The following NOL10 variants were observed in gnomAD, a reference collection of about 807,000 sequenced individuals.
NOL10 encodes H_NH0074G24.1.
A neutral mutation model predicts 103.5 loss-of-function variants in NOL10; 58 were observed. The ratio of observed to expected loss-of-function variants is 0.56; its 90% CI spans 0.45 to 0.70. The LOEUF (loss-of-function observed/expected upper bound fraction) is 0.70. Among genes scored for constraint, NOL10 ranks in the 30% least tolerant of loss-of-function variants. The pLI, the probability that NOL10 is intolerant of heterozygous loss-of-function variation, is 0.00. For synonymous variants in NOL10, 287 were observed against 282.5 expected (o/e 1.02, Z -0.16); for missense variants, 763 against 807.3 (o/e 0.95, Z 0.67).
At chr2:10,661,455 T>A (rs750279944) in intron 9 of NOL10, among the ~76,000 whole-genome samples, 4 of 151,726 alleles carry the variant, frequency 2.6e-5, no homozygotes, top group Non-Finnish European at 5.9e-5. Flanking sequence ...CACTGCAACC[T>A]CTGCCTCCCG....
chr2:10,577,094 A>G (rs1275324205), intron 20 of NOL10, among the ~76,000 whole-genome samples: 1 of 152,106 alleles, frequency 6.6e-6, no homozygotes. Context: ...GCTAAAAAAA[A>G]TGGATCTTAT....
rs1572263990 is a variant in NOL10 at position 10,599,373 on chromosome 2, C to G, written c.1422+1480G>C. ...TGACATTACAAAGCAGAAAAGTTACCTCCCTAATCATGCTTAGGCTTAGCT... is the reference window on the plus strand; with the variant it reads ...TGACATTACAAAGCAGAAAAGTTACGTCCCTAATCATGCTTAGGCTTAGCT... On this transcript the variant is annotated intron_variant, in intron 17 of 20. Transcript: ENST00000381685. Among the ~76,000 whole-genome samples the G allele has an allele frequency of 3.9e-5, 6 of 152,276 alleles. No individual in the cohort carries two copies. In the South Asian group the frequency reaches 1.2e-3, roughly 32 times the overall value.
chr2:10,592,737 A>T (rs1675455558), intron 17 of NOL10, among the ~76,000 whole-genome samples: 1 of 152,202 alleles, frequency 6.6e-6, no homozygotes, highest in Non-Finnish European at 1.5e-5. Flanking sequence ...TCTTAATTTA[A>T]AACAAATCAA....
At chr2:10,587,138 C>CATATATAT (rs1553296146) in intron 19 of NOL10, among the ~76,000 whole-genome samples, 2 of 15,822 alleles carry the variant, frequency 1.3e-4, no homozygotes, top group East Asian at 1.5e-3. Flanking sequence ...TACATATATA[C>CATATATAT]ACATATATAT....
chr2:10,638,792 CTTTTTTTTTTTTTTTTT>C (rs575658225), intron 13 of NOL10, among the ~76,000 whole-genome samples: 1 of 52,836 alleles, frequency 1.9e-5, no homozygotes, highest in Non-Finnish European at 3.4e-5. Context: ...CGTGCCTGGC[CTTTTTTTTTTTTTTTTT>C]TTTTTTTTTT....
intron 1 of NOL10, among the ~76,000 whole-genome samples, chr2:10,688,612 A>G (rs909473518): frequency 1.3e-5 from 2 of 152,230 alleles, no homozygotes; most frequent in African/African-American, 4.8e-5. Flanking sequence ...TTTATCCAAA[A>G]CAGCTCTCTT....
chr2:10,594,043 A>AAAAAT (rs1209043787), intron 17 of NOL10, among the ~76,000 whole-genome samples: 2 of 152,206 alleles, frequency 1.3e-5, no homozygotes, highest in Non-Finnish European at 2.9e-5. Flanking sequence ...CTCACTGCCA[A>AAAAAT]AAAATAACTA....
At chr2:10,636,488 G>A (rs1258387669) in intron 13 of NOL10, among the ~76,000 whole-genome samples, 1 of 142,312 alleles carries the variant, frequency 7.0e-6, no homozygotes, top group Non-Finnish European at 1.5e-5. Context: ...TATACCTGTA[G>A]TCCCAGATAC....
Position 10,684,620 on chromosome 2 carries a change from A to G in NOL10, c.67-8T>C. 6 of 1,559,228 alleles carry G rather than the reference A, an allele frequency of 3.8e-6. No individual in the cohort carries two copies. The highest frequency in any genetic ancestry group is 5.2e-6 in the Non-Finnish European group (6 of 1,149,936). Reference sequence around the variant, plus strand: ...CTTCCTATCAGAAAGCCACTTAAAGAAAATGAAGAGAGTTTATTTTAAAAC... The same window carrying G: ...CTTCCTATCAGAAAGCCACTTAAAGGAAATGAAGAGAGTTTATTTTAAAAC... On this transcript the variant is annotated splice_polypyrimidine_tract_variant and splice_region_variant and intron_variant, in intron 1 of 20. Coordinates refer to ENST00000381685, the MANE Select transcript of NOL10 (RefSeq NM_024894.4).
At chr2:10,624,976 T>C (rs1296358616) in intron 13 of NOL10, among the ~76,000 whole-genome samples, 1 of 152,128 alleles carries the variant, frequency 6.6e-6, no homozygotes, top group Admixed American at 6.5e-5. Flanking sequence ...CAAACAGACA[T>C]GGAGGAATCT....
At chr2:10,676,689 G>C (rs1403658830) in intron 3 of NOL10, among the ~76,000 whole-genome samples, 1 of 151,270 alleles carries the variant, frequency 6.6e-6, no homozygotes, top group African/African-American at 2.4e-5. Context: ...TTAGACTGGG[G>C]TGCAATGGCG....
intron 13 of NOL10, among the ~76,000 whole-genome samples, chr2:10,630,672 G>A (rs1180529024): frequency 1.3e-5 from 2 of 152,082 alleles, no homozygotes; most frequent in African/African-American, 2.4e-5. Context: ...CTGAGATCGT[G>A]CCACTGCCCT....
chr2:10,594,383 C>T (rs1675555050), intron 17 of NOL10, among the ~76,000 whole-genome samples: 1 of 152,152 alleles, frequency 6.6e-6, no homozygotes, highest in African/African-American at 2.4e-5. Context: ...TCTTGTAATT[C>T]TCTGTCCAAC....
At chr2:10,632,404 GCTCA>G (rs1443891188) in intron 13 of NOL10, among the ~76,000 whole-genome samples, 4 of 152,218 alleles carry the variant, frequency 2.6e-5, no homozygotes, top group Non-Finnish European at 4.4e-5. Flanking sequence ...AAATGAATGG[GCTCA>G]CTGTGTTTCA....
chr2:10,628,921 T>C (rs764848137), intron 13 of NOL10, among the ~76,000 whole-genome samples: 56 of 152,164 alleles, frequency 3.7e-4, no homozygotes, highest in Non-Finnish European at 6.6e-4. Context: ...GAGAAGGTAA[T>C]TGATCACATA....
chr2:10,628,953 A>AG (rs1677659380), intron 13 of NOL10, among the ~76,000 whole-genome samples: 1 of 152,200 alleles, frequency 6.6e-6, no homozygotes, highest in South Asian at 2.1e-4. Context: ...TTAGGGAATT[A>AG]GGAACACGTT....
At chr2:10,662,553 T>C (rs1680279505) in intron 9 of NOL10, among the ~76,000 whole-genome samples, 1 of 152,188 alleles carries the variant, frequency 6.6e-6, no homozygotes, top group Admixed American at 6.5e-5. Flanking sequence ...AAAACTCTTC[T>C]GATTGGTTTA....
intron 13 of NOL10, among the ~76,000 whole-genome samples, chr2:10,629,826 TCAA>T (rs1346240929): frequency 1.3e-5 from 2 of 152,226 alleles, no homozygotes; most frequent in African/African-American, 4.8e-5. Flanking sequence ...TTTATTTTGC[TCAA>T]CATGATATTC....
chr2:10,626,052 T>A (rs1013511614), intron 13 of NOL10, among the ~76,000 whole-genome samples: 1 of 151,856 alleles, frequency 6.6e-6, no homozygotes. Context: ...CATGGTGGTA[T>A]GTGCCTGTAG....
Sources: gnomAD v4.1 joint callset for allele counts (sites outside exome capture counted in the v4.1 genomes callset) on GRCh38, gnomAD v4.1.1 for gene constraint, MANE v1.5 for transcripts, NCBI Gene and HGNC (gene_info 2026-07-23, HGNC 2026-07-21) for gene names.